NR6A1: variants seen among roughly 807,000 people sequenced by gnomAD.
The protein encoded by NR6A1 is retinoic acid receptor-related testis-associated receptor.
In NR6A1, 7 loss-of-function variants were observed where a neutral mutation model predicts 59.1. That is an observed-to-expected ratio of 0.12 (90% confidence interval 0.07 to 0.22). The LOEUF is 0.22. Among genes scored for constraint, NR6A1 ranks in the 10% least tolerant of loss-of-function variants. NR6A1 has a pLI of 1.00. For missense variants in NR6A1, 468 were observed against 611.6 expected, an observed-to-expected ratio of 0.77 and a Z score of 2.48; for synonymous variants, 243 against 236.1, an observed-to-expected ratio of 1.03 and a Z score of -0.27.
At chr9:124,613,501 A>G (rs1835811240) in intron 2 of NR6A1, among the ~76,000 whole-genome samples, 2 of 152,022 alleles carry the variant, frequency 1.3e-5, no homozygotes, top group Admixed American at 1.3e-4. Flanking sequence ...TAAAAATAAA[A>G]AACACAAAAA....
intron 2 of NR6A1, among the ~76,000 whole-genome samples, chr9:124,693,954 T>A (rs1307191480): frequency 6.6e-6 from 1 of 152,180 alleles, no homozygotes; most frequent in African/African-American, 2.4e-5. Flanking sequence ...CTAGTACTTT[T>A]CTCCTTTTTC....
intron 5 of NR6A1, among the ~76,000 whole-genome samples, chr9:124,538,542 A>T (rs1255847029): frequency 7.2e-5 from 11 of 152,284 alleles, no homozygotes; most frequent in African/African-American, 2.6e-4. Flanking sequence ...GCCACTGGAC[A>T]CTCAGTGCAT....
Position 124,599,759 on chromosome 9 carries a change from T to C in NR6A1, c.143-45189A>G, listed in dbSNP as rs947059673. On this transcript the variant is annotated intron_variant, in intron 2 of 9. Coordinates refer to ENST00000487099, the MANE Select transcript of NR6A1 (RefSeq NM_033334.4). ...ACTTTCATTTTAAAGATGGACAAAC[T>C]GAATGAAGCTCAAAGAAAGGAAGAG... Among the ~76,000 whole-genome samples, 15 of 151,978 alleles carry C rather than the reference T, an allele frequency of 9.9e-5. 1 individual carries two copies. The highest frequency in any genetic ancestry group is 9.2e-4 in the Admixed American group (14 of 15,256).
At chr9:124,576,867 G>A (rs1330696681) in intron 2 of NR6A1, among the ~76,000 whole-genome samples, 3 of 152,022 alleles carry the variant, frequency 2.0e-5, no homozygotes, top group African/African-American at 7.2e-5. Context: ...GACCAGCTTG[G>A]GCAACATAGG....
intron 1 of NR6A1, among the ~76,000 whole-genome samples, chr9:124,741,339 A>C (rs1194235839): frequency 6.6e-6 from 1 of 152,256 alleles, no homozygotes; most frequent in Admixed American, 6.5e-5. Context: ...TTTACTAGCC[A>C]ATTTATAGCT....
chr9:124,760,775 GA>G (rs1023812649), intron 1 of NR6A1, among the ~76,000 whole-genome samples: 4 of 152,198 alleles, frequency 2.6e-5, no homozygotes, highest in African/African-American at 9.7e-5. Context: ...TGTTAAATGA[GA>G]ACACTAAAGT....
At chr9:124,705,294 T>C (rs1225248347) in intron 2 of NR6A1, among the ~76,000 whole-genome samples, 1 of 152,218 alleles carries the variant, frequency 6.6e-6, no homozygotes, top group Non-Finnish European at 1.5e-5. Context: ...AAGTTGGAAA[T>C]TAAAATCTAC....
At chr9:124,582,603 T>A (rs1035487101) in intron 2 of NR6A1, among the ~76,000 whole-genome samples, 1 of 152,006 alleles carries the variant, frequency 6.6e-6, no homozygotes, top group Non-Finnish European at 1.5e-5. Context: ...GAAATGGTTC[T>A]GGGCCAGGTG....
chr9:124,642,715 G>A (rs1177636248), intron 2 of NR6A1, among the ~76,000 whole-genome samples: 1 of 152,150 alleles, frequency 6.6e-6, no homozygotes, highest in Non-Finnish European at 1.5e-5. Flanking sequence ...GCAGGGTGGT[G>A]GAGGGAGAAG....
chr9:124,753,069 C>T (rs988405115), intron 1 of NR6A1, among the ~76,000 whole-genome samples: 1 of 152,224 alleles, frequency 6.6e-6, no homozygotes, highest in African/African-American at 2.4e-5. Flanking sequence ...CACACCATCA[C>T]CTATGTCAGT....
chr9:124,601,471 C>T (rs1331719063), intron 2 of NR6A1, among the ~76,000 whole-genome samples: 1 of 151,086 alleles, frequency 6.6e-6, no homozygotes, highest in Non-Finnish European at 1.5e-5. Context: ...GTAGTCCCAG[C>T]TACTCGGGGG....
chr9:124,673,352 T>A (rs1407074888), intron 2 of NR6A1, among the ~76,000 whole-genome samples: 1 of 152,066 alleles, frequency 6.6e-6, no homozygotes, highest in Non-Finnish European at 1.5e-5. Flanking sequence ...GTGAGACATA[T>A]GAAGGTTCTC....
chr9:124,549,199 T>C (rs1287600780), intron 3 of NR6A1, among the ~76,000 whole-genome samples: 2 of 151,042 alleles, frequency 1.3e-5, no homozygotes, highest in Non-Finnish European at 2.9e-5. Flanking sequence ...AAATAAACGC[T>C]GAACCTTGAA....
intron 2 of NR6A1, among the ~76,000 whole-genome samples, chr9:124,628,217 G>A (rs932200492): frequency 1.4e-4 from 22 of 152,090 alleles, no homozygotes; most frequent in African/African-American, 5.1e-4. Context: ...TAGTAGAGAC[G>A]GGGTTTAACC....
chr9:124,550,694 C>T (rs1833752894), intron 3 of NR6A1, among the ~76,000 whole-genome samples: 1 of 151,672 alleles, frequency 6.6e-6, no homozygotes, highest in Admixed American at 6.6e-5. Flanking sequence ...ATTCCTTCTA[C>T]ATTTATATTT....
At chr9:124,645,209 C>T (rs907427370) in intron 2 of NR6A1, among the ~76,000 whole-genome samples, 1 of 151,944 alleles carries the variant, frequency 6.6e-6, no homozygotes, top group African/African-American at 2.4e-5. Flanking sequence ...AACAAAAAAA[C>T]ACAAAACACA....
intron 2 of NR6A1, among the ~76,000 whole-genome samples, chr9:124,672,432 T>C (rs1388935979): frequency 2.6e-5 from 4 of 151,914 alleles, no homozygotes; most frequent in Non-Finnish European, 5.9e-5. Context: ...CTGGCCAACA[T>C]AGTGAAATCC....
At chr9:124,757,399 A>G (rs778586520) in intron 1 of NR6A1, among the ~76,000 whole-genome samples, 1 of 151,966 alleles carries the variant, frequency 6.6e-6, no homozygotes, top group Non-Finnish European at 1.5e-5. Flanking sequence ...AGGAGAAAAA[A>G]CATTTAAAAT....
chr9:124,770,990 T>A, intron 1 of NR6A1, 30 bp downstream of exon 1: 1 of 1,177,874 alleles, frequency 8.5e-7, no homozygotes, highest in Non-Finnish European at 1.1e-6. Context: ...GGTTCCTGCC[T>A]GGCCCGGGCG....
Sources: gnomAD v4.1 joint callset for allele counts (sites outside exome capture counted in the v4.1 genomes callset) on GRCh38, gnomAD v4.1.1 for gene constraint, MANE v1.5 for transcripts, NCBI Gene and HGNC (gene_info 2026-07-23, HGNC 2026-07-21) for gene names.